GRIK2: variants seen among roughly 807,000 people sequenced by gnomAD.
The protein encoded by GRIK2 is glutamate receptor ionotropic, kainate 2.
In GRIK2, 32 loss-of-function variants were observed where a neutral mutation model predicts 100.3. The ratio of observed to expected loss-of-function variants is 0.32; its 90% CI spans 0.24 to 0.43. GRIK2 has a LOEUF of 0.43. GRIK2 is among the 20% of genes least tolerant of loss of function. The probability of loss-of-function intolerance (pLI) is 1.00; values close to 1 mark genes in which losing one functional copy is unlikely to be tolerated. For missense variants in GRIK2, 843 were observed against 1,114.9 expected (o/e 0.76, Z 3.47); for synonymous variants, 417 against 389.4 (o/e 1.07, Z -0.83).
At position 102,010,501 on chromosome 6, in the gene GRIK2, A is replaced by G. The variant is rs570289800; in HGVS notation, c.2086-24840A>G. ...TGAATTCAAGCGATTCTTCTGCCTC[A>G]GCCTCCCCAGTAGCTGGGACTACAG... On this transcript the variant is annotated intron_variant, in intron 14 of 16. Transcript: ENST00000369134. Among the ~76,000 whole-genome samples, 7 of 152,088 alleles carry G rather than the reference A, an allele frequency of 4.6e-5. No individual in the cohort carries two copies. In the South Asian group the frequency reaches 1.5e-3, roughly 32 times the overall value.
chr6:101,538,419 A>AT (rs981834597), intron 2 of GRIK2, among the ~76,000 whole-genome samples: 8 of 151,632 alleles, frequency 5.3e-5, no homozygotes, highest in Non-Finnish European at 8.9e-5. Flanking sequence ...GTATTGGTAA[A>AT]TTTTTTTACA....
At chr6:101,515,037 C>A (rs1582621158) in intron 2 of GRIK2, among the ~76,000 whole-genome samples, 2 of 151,992 alleles carry the variant, frequency 1.3e-5, no homozygotes, top group South Asian at 2.1e-4. Flanking sequence ...AGTCTTTTAT[C>A]CTTTGCCTCC....
chr6:101,680,018 A>G, intron 5 of GRIK2, among the ~76,000 whole-genome samples: 1 of 152,136 alleles, frequency 6.6e-6, no homozygotes, highest in Non-Finnish European at 1.5e-5. Context: ...GATTACAGGC[A>G]TGAGCCACCG....
At chr6:101,694,577 CA>C (rs1035792018) in intron 7 of GRIK2, among the ~76,000 whole-genome samples, 1 of 151,930 alleles carries the variant, frequency 6.6e-6, no homozygotes, top group Non-Finnish European at 1.5e-5. Flanking sequence ...TCTTATTATT[CA>C]AATATTCATA....
chr6:101,410,197 T>TA (rs994365312), intron 2 of GRIK2, among the ~76,000 whole-genome samples: 37 of 152,168 alleles, frequency 2.4e-4, no homozygotes, highest in African/African-American at 8.9e-4. Flanking sequence ...TATATTGTTC[T>TA]AGTTTACCTA....
intron 2 of GRIK2, among the ~76,000 whole-genome samples, chr6:101,427,236 C>T (rs1769076758): frequency 6.6e-6 from 1 of 152,218 alleles, no homozygotes; most frequent in Admixed American, 6.5e-5. Flanking sequence ...TACTTCTTGA[C>T]ACCGCTCCTC....
At chr6:101,927,316 G>A (rs1789964665) in intron 13 of GRIK2, 1 of 754,426 alleles carries the variant, frequency 1.3e-6, no homozygotes, top group Non-Finnish European at 1.6e-6. Context: ...CTGCATCAGA[G>A]ATTATACTAA....
At chr6:101,744,235 C>T (rs1776235525) in intron 7 of GRIK2, among the ~76,000 whole-genome samples, 1 of 151,928 alleles carries the variant, frequency 6.6e-6, no homozygotes, top group Non-Finnish European at 1.5e-5. Flanking sequence ...AGCCGTCGTG[C>T]CCAGCCAGCA....
chr6:101,825,114 A>C (rs1003923634), intron 10 of GRIK2, among the ~76,000 whole-genome samples: 1 of 152,186 alleles, frequency 6.6e-6, no homozygotes, highest in African/African-American at 2.4e-5. Flanking sequence ...AGACACTGCA[A>C]CTTCACAAAG....
intron 14 of GRIK2, among the ~76,000 whole-genome samples, chr6:102,032,003 G>A (rs921209013): frequency 2.0e-4 from 31 of 151,314 alleles, no homozygotes; most frequent in African/African-American, 7.3e-4. Context: ...AGGATGGTTT[G>A]GGAGTTTTTA....
chr6:101,455,630 G>T (rs1251219486), intron 2 of GRIK2, among the ~76,000 whole-genome samples: 2 of 151,880 alleles, frequency 1.3e-5, no homozygotes, highest in Non-Finnish European at 2.9e-5. Flanking sequence ...CTTATAAATT[G>T]AGTGTCCAGT....
intron 2 of GRIK2, among the ~76,000 whole-genome samples, chr6:101,608,885 C>T (rs1251625912): frequency 6.6e-6 from 1 of 151,156 alleles, no homozygotes; most frequent in Admixed American, 6.6e-5. Context: ...ACAGTTGGGT[C>T]ATTTCATTTG....
At chr6:102,062,481 T>C (rs1356652599) in intron 16 of GRIK2, among the ~76,000 whole-genome samples, 3 of 142,142 alleles carry the variant, frequency 2.1e-5, no homozygotes, top group Non-Finnish European at 4.8e-5. Flanking sequence ...TTCTTAAGTT[T>C]TAATTTTTTC....
chr6:101,761,473 C>A (rs1449899269), intron 7 of GRIK2, among the ~76,000 whole-genome samples: 1 of 152,078 alleles, frequency 6.6e-6, no homozygotes, highest in East Asian at 1.9e-4. Context: ...CCCACCCCTT[C>A]ATTTCTCCAG....
At chr6:101,910,811 G>T (rs1788624188) in intron 12 of GRIK2, among the ~76,000 whole-genome samples, 1 of 134,190 alleles carries the variant, frequency 7.5e-6, no homozygotes, top group Admixed American at 7.4e-5. Flanking sequence ...AACTAAAGGG[G>T]GTCACAGTAA....
chr6:101,457,252 T>G lies in GRIK2; in HGVS notation c.115+57860T>G, dbSNP rs190853937. Among the ~76,000 whole-genome samples the G allele has an allele frequency of 4.2e-3, 645 of 152,224 alleles. 3 individuals are homozygous for G. Among genetic ancestry groups the G allele is most frequent in the African/African-American group, 0.015 (615 of 41,556 alleles). On this transcript the variant is annotated intron_variant, in intron 2 of 16. Coordinates refer to ENST00000369134, the MANE Select transcript of GRIK2 (RefSeq NM_021956.5). ...ATCAACATCAATATTATAAACTAGG[T>G]AATTGTAAGAGGGTATGGTAAACTT...
chr6:102,067,318 C>T lies in GRIK2; in HGVS notation c.2563-1029C>T, dbSNP rs781246230. Among the ~76,000 whole-genome samples the T allele has an allele frequency of 5.3e-5, 8 of 151,724 alleles. No individual in the cohort carries two copies. The East Asian group carries it at 1.4e-3, about 26-fold the overall frequency. ...ATATATTATTATTAACTATAGTGGC[C>T]ATGCTGTGGAACAGAGCTCTTGAAA... On this transcript the variant is annotated intron_variant, in intron 16 of 16. Coordinates refer to ENST00000369134, the MANE Select transcript of GRIK2 (RefSeq NM_021956.5).
intron 2 of GRIK2, among the ~76,000 whole-genome samples, chr6:101,506,753 T>C (rs955563176): frequency 2.6e-5 from 4 of 152,162 alleles, no homozygotes; most frequent in African/African-American, 9.6e-5. Context: ...TAAACCTATA[T>C]GCATATTTTG....
rs1006444218 is a variant in GRIK2, at chr6:101,685,648, G to A, written c.778-532G>A. ...GTGTGAGACATGAGATGAAGGAACT[G>A]TATTGTTTCTGCAACCAAAAAGGCT... is the stretch of plus-strand genomic sequence containing the variant. On this transcript the variant is annotated intron_variant, in intron 6 of 16. Coordinates refer to ENST00000369134, the MANE Select transcript of GRIK2 (RefSeq NM_021956.5). 2.0e-5 allele frequency among the ~76,000 whole-genome samples: 3 copies of A among 152,210 alleles called. No individual in the cohort carries two copies. The East Asian group carries it at 5.8e-4, about 29-fold the overall frequency.
Sources: gnomAD v4.1 joint callset for allele counts (sites outside exome capture counted in the v4.1 genomes callset) on GRCh38, gnomAD v4.1.1 for gene constraint, MANE v1.5 for transcripts, NCBI Gene and HGNC (gene_info 2026-07-23, HGNC 2026-07-21) for gene names.